PKP4: variants seen among roughly 807,000 people sequenced by gnomAD.
PKP4 encodes plakophilin-4.
A neutral mutation model predicts 145.1 loss-of-function variants in PKP4; 90 were observed. The ratio of observed to expected loss-of-function variants is 0.62; its 90% CI spans 0.52 to 0.74. The LOEUF (loss-of-function observed/expected upper bound fraction) is 0.74, where lower values mean the gene tolerates loss of function less well. PKP4 is among the 30% of genes least tolerant of loss of function. The pLI, the probability that PKP4 is intolerant of heterozygous loss-of-function variation, is 0.00. For missense variants in PKP4, 1,340 were observed against 1,482.7 expected (o/e 0.90, Z 1.58); for synonymous variants, 563 against 577.2 (o/e 0.98, Z 0.35).
chr2:158,676,952 T>G (rs751590067), intron 20 of PKP4, 85 bp downstream of exon 20: 1 of 1,508,220 alleles, frequency 6.6e-7, no homozygotes, highest in Non-Finnish European at 9.2e-7. Flanking sequence ...AAGTAGCCTG[T>G]GCTTGTATTG....
At position 158,479,131 on chromosome 2, in the gene PKP4, G is replaced by GT. The variant is rs1265266667; in HGVS notation, c.-6+21919dup. 2.6e-5 allele frequency among the ~76,000 whole-genome samples: 4 copies of GT among 152,042 alleles called. No homozygotes were observed. In the East Asian group the frequency reaches 7.7e-4, roughly 29 times the overall value. ...TAGTAGGAGTTACCTAAGTAGTATTGTTTTTTAAACCTTTTTAATTCTCAA... is the reference window on the plus strand; with the variant it reads ...TAGTAGGAGTTACCTAAGTAGTATTGTTTTTTTAAACCTTTTTAATTCTCAA... On this transcript the variant is annotated intron_variant, in intron 1 of 21. Transcript: ENST00000389759.
intron 20 of PKP4, 192 bp downstream of exon 20, chr2:158,677,059 A>T: frequency 1.5e-6 from 1 of 677,162 alleles, no homozygotes; most frequent in Non-Finnish European, 2.7e-6. Context: ...ACAAGCATGT[A>T]CTTGTTTGTA....
intron 1 of PKP4, among the ~76,000 whole-genome samples, chr2:158,498,228 T>A (rs1429194324): frequency 6.6e-6 from 1 of 152,134 alleles, no homozygotes. Flanking sequence ...GCTCAAGGGA[T>A]CCTCCCACCT....
chr2:158,532,480 G>A (rs138620966), intron 1 of PKP4, among the ~76,000 whole-genome samples: 80 of 152,258 alleles, frequency 5.3e-4, no homozygotes, highest in African/African-American at 1.9e-3. Flanking sequence ...ATGTGTAAAT[G>A]AGTTATTAAA....
chr2:158,513,695 C>T (rs371343141), intron 1 of PKP4, among the ~76,000 whole-genome samples: 70 of 152,192 alleles, frequency 4.6e-4, no homozygotes, highest in African/African-American at 1.6e-3. Context: ...ACCAGTGACA[C>T]CTCATTCAGT....
chr2:158,616,231 G>T (rs1419763032), intron 4 of PKP4, among the ~76,000 whole-genome samples: 1 of 152,164 alleles, frequency 6.6e-6, no homozygotes, highest in Admixed American at 6.5e-5. Context: ...TCCCTCTGAT[G>T]ATAAGCATAC....
rs386391605 is a variant in PKP4 at position 158,545,073 on chromosome 2, C to CTTTTTTTTTTTTTTTTTTTTTTTTTTT, written c.132+11783_132+11784insTTTTTTTTTTTTTTTTTTTTTTTTTTT. On this transcript the variant is annotated intron_variant, in intron 2 of 21. Coordinates refer to ENST00000389759, the MANE Select transcript of PKP4 (RefSeq NM_003628.6). ...GAGCAGGCCTAACCTAAGTCTTTCA[C>CTTTTTTTTTTTTTTTTTTTTTTTTTTT]TTTTTTTTTTTTTTTTTTTTTTTTT... 2.8e-5 allele frequency among the ~76,000 whole-genome samples: 2 copies of CTTTTTTTTTTTTTTTTTTTTTTTTTTT among 72,510 alleles called. 1 individual carries two copies. The highest frequency in any genetic ancestry group is 4.7e-5 in the Non-Finnish European group (2 of 42,226). The allele number at this position is 72,510 out of a possible 152,430, so 47.6% of individuals were successfully genotyped here. A position where few individuals can be genotyped will look rare whatever the true frequency, so the allele number is the denominator to read the frequency against.
chr2:158,584,021 G>T (rs1271475051), intron 3 of PKP4, among the ~76,000 whole-genome samples: 1 of 152,154 alleles, frequency 6.6e-6, no homozygotes, highest in African/African-American at 2.4e-5. Context: ...GACGGGTAAG[G>T]GGGAAGCCGC....
intron 2 of PKP4, among the ~76,000 whole-genome samples, chr2:158,547,769 A>T (rs2045210253): frequency 6.6e-6 from 1 of 152,138 alleles, no homozygotes; most frequent in South Asian, 2.1e-4. Context: ...TAGAGCACAG[A>T]CTCTTGGATA....
intron 1 of PKP4, among the ~76,000 whole-genome samples, chr2:158,489,611 C>T (rs144653095): frequency 2.9e-4 from 44 of 152,312 alleles, no homozygotes; most frequent in African/African-American, 9.6e-4. Context: ...TTTGCTGAGG[C>T]TCTTCCCACG....
intron 4 of PKP4, among the ~76,000 whole-genome samples, chr2:158,606,415 T>G (rs959245644): frequency 1.3e-5 from 2 of 152,234 alleles, no homozygotes; most frequent in Non-Finnish European, 2.9e-5. Flanking sequence ...CTTTTTATTA[T>G]AGCCGTCCTA....
intron 21 of PKP4, chr2:158,678,860 C>T: frequency 1.7e-6 from 1 of 592,490 alleles, no homozygotes; most frequent in South Asian, 2.1e-5. Flanking sequence ...CACATCGGTA[C>T]TGCTGAGACC....
intron 7 of PKP4, among the ~76,000 whole-genome samples, chr2:158,630,926 T>TTTTGTTTG (rs145862519): frequency 0.41 from 62,153 of 151,092 alleles, 13,620 homozygotes; most frequent in East Asian, 0.67. Context: ...GAGAAAGTGT[T>TTTTGTTTG]TTTGTTTGTT....
At chr2:158,521,625 T>A (rs1236445540) in intron 1 of PKP4, among the ~76,000 whole-genome samples, 1 of 152,180 alleles carries the variant, frequency 6.6e-6, no homozygotes, top group South Asian at 2.1e-4. Context: ...ATGTTTCTAT[T>A]TCTAGGATAT....
intron 11 of PKP4, among the ~76,000 whole-genome samples, chr2:158,652,425 G>A (rs780100292): frequency 3.3e-5 from 5 of 152,150 alleles, no homozygotes; most frequent in Non-Finnish European, 7.3e-5. Flanking sequence ...CATTACTCTC[G>A]TCCCAAGAAA....
At chr2:158,656,376 A>G (rs2055922117) in intron 11 of PKP4, among the ~76,000 whole-genome samples, 1 of 152,080 alleles carries the variant, frequency 6.6e-6, no homozygotes, top group South Asian at 2.1e-4. Flanking sequence ...ACGGGACCCT[A>G]GCTTTTGTGT....
chr2:158,476,364 A>T (rs1425396603), intron 1 of PKP4, among the ~76,000 whole-genome samples: 1 of 151,976 alleles, frequency 6.6e-6, no homozygotes, highest in Non-Finnish European at 1.5e-5. Context: ...GACCAGTCTC[A>T]CTCTTGCCCA....
chr2:158,677,908 C>T (rs112689028), intron 20 of PKP4, among the ~76,000 whole-genome samples: 92 of 152,234 alleles, frequency 6.0e-4, no homozygotes, highest in African/African-American at 2.1e-3. Context: ...ACTAATTTGC[C>T]TCAACTACGT....
At chr2:158,595,715 T>A (rs1035004665) in intron 3 of PKP4, among the ~76,000 whole-genome samples, 3 of 152,218 alleles carry the variant, frequency 2.0e-5, no homozygotes, top group Non-Finnish European at 4.4e-5. Flanking sequence ...ATTTAAGTGT[T>A]TGACAGAATG....
Sources: gnomAD v4.1 joint callset for allele counts (sites outside exome capture counted in the v4.1 genomes callset) on GRCh38, gnomAD v4.1.1 for gene constraint, MANE v1.5 for transcripts, NCBI Gene and HGNC (gene_info 2026-07-23, HGNC 2026-07-21) for gene names.